LRRC4C: variants seen among roughly 807,000 people sequenced by gnomAD.
The protein encoded by LRRC4C is leucine-rich repeat-containing protein 4C.
A neutral mutation model predicts 33.6 loss-of-function variants in LRRC4C; 5 were observed. The observed-to-expected ratio is 0.15, with a 90% confidence interval of 0.08 to 0.31. LRRC4C has a LOEUF of 0.31. Ranked by LOEUF, LRRC4C falls within the 10% of genes least tolerant of loss-of-function variation. The probability of loss-of-function intolerance (pLI) is 1.00; values close to 1 mark genes in which losing one functional copy is unlikely to be tolerated. For missense variants in LRRC4C, 560 were observed against 796.7 expected (o/e 0.70, Z 3.58); for synonymous variants, 329 against 302.0 (o/e 1.09, Z -0.93).
chr11:41,210,201 C>T (rs1042881710), intron 1 of LRRC4C, among the ~76,000 whole-genome samples: 1 of 152,122 alleles, frequency 6.6e-6, no homozygotes, highest in African/African-American at 2.4e-5. Context: ...CCCATAGTAC[C>T]ATTATAACTG....
intron 1 of LRRC4C, among the ~76,000 whole-genome samples, chr11:41,047,603 A>C (rs1474871691): frequency 6.6e-6 from 1 of 152,162 alleles, no homozygotes; most frequent in Non-Finnish European, 1.5e-5. Context: ...AAATTTAAAA[A>C]AGATTACCTT....
chr11:40,614,183 T>C (rs1961523732), intron 3 of LRRC4C, among the ~76,000 whole-genome samples: 1 of 151,914 alleles, frequency 6.6e-6, no homozygotes, highest in Non-Finnish European at 1.5e-5. Flanking sequence ...AGATGGCATC[T>C]TCTTCCAGTA....
intron 1 of LRRC4C, among the ~76,000 whole-genome samples, chr11:41,434,340 T>C (rs1329739256): frequency 6.6e-6 from 1 of 152,188 alleles, no homozygotes; most frequent in African/African-American, 2.4e-5. Flanking sequence ...AGATAATTTT[T>C]TTTTTAAGAA....
intron 2 of LRRC4C, among the ~76,000 whole-genome samples, chr11:40,790,271 AGAT>A (rs1950572621): frequency 6.6e-6 from 1 of 152,196 alleles, no homozygotes. Context: ...TTGATGCAAA[AGAT>A]GATTTTATTT....
intron 3 of LRRC4C, among the ~76,000 whole-genome samples, chr11:40,549,082 A>C (rs1385281507): frequency 6.6e-6 from 1 of 152,196 alleles, no homozygotes; most frequent in East Asian, 1.9e-4. Context: ...ATCTATGGCT[A>C]AATGGCTAAA....
At chr11:41,283,728 C>G (rs753235220) in intron 1 of LRRC4C, among the ~76,000 whole-genome samples, 94 of 152,258 alleles carry the variant, frequency 6.2e-4, no homozygotes, top group Non-Finnish European at 1.1e-3. Flanking sequence ...CCATCTAGCC[C>G]TTTACGGAAG....
chr11:40,424,718 A>T (rs1398833531), intron 3 of LRRC4C, among the ~76,000 whole-genome samples: 1 of 152,200 alleles, frequency 6.6e-6, no homozygotes, highest in Non-Finnish European at 1.5e-5. Flanking sequence ...GAATAAATGC[A>T]GCCAAATGTA....
At chr11:40,197,580 A>T (rs372731652) in intron 5 of LRRC4C, among the ~76,000 whole-genome samples, 18 of 152,174 alleles carry the variant, frequency 1.2e-4, no homozygotes, top group Admixed American at 1.3e-4. Context: ...TTTGAGTCAC[A>T]CAAATTCATG....
chr11:41,159,067 T>G (rs1047785968), intron 1 of LRRC4C, among the ~76,000 whole-genome samples: 2 of 152,022 alleles, frequency 1.3e-5, no homozygotes, highest in African/African-American at 4.8e-5. Flanking sequence ...GAAATGTTGC[T>G]TGAGGTCAGG....
intron 3 of LRRC4C, among the ~76,000 whole-genome samples, chr11:40,499,685 G>A (rs1164728006): frequency 2.0e-5 from 3 of 152,122 alleles, no homozygotes; most frequent in Non-Finnish European, 4.4e-5. Flanking sequence ...TCTAAATTGG[G>A]TAACTCTTGG....
At chr11:41,147,812 T>C (rs1943795014) in intron 1 of LRRC4C, among the ~76,000 whole-genome samples, 1 of 151,808 alleles carries the variant, frequency 6.6e-6, no homozygotes, top group Non-Finnish European at 1.5e-5. Context: ...AGGTCAGGAG[T>C]GGTGGCTCGG....
chr11:40,309,455 A>G (rs1945195547), intron 4 of LRRC4C, among the ~76,000 whole-genome samples: 2 of 151,854 alleles, frequency 1.3e-5, no homozygotes, highest in Admixed American at 6.6e-5. Flanking sequence ...TTCAGTTATT[A>G]TTATTACAGG....
rs144383913 is a variant in LRRC4C at position 40,823,328 on chromosome 11, T to C, written c.-407+110307A>G. On this transcript the variant is annotated intron_variant, in intron 2 of 6. Transcript: ENST00000528697. ...CCCAATCAATGAGAGAAAAAAATAA[T>C]GTTTGATTTCATAAAAATTTGAAAA... is the stretch of plus-strand genomic sequence containing the variant. Among the ~76,000 whole-genome samples the C allele has an allele frequency of 4.2e-3, 637 of 151,798 alleles. 7 individuals carry two copies. Among genetic ancestry groups the C allele is most frequent in the African/African-American group, 0.015 (604 of 41,476 alleles).
chr11:40,996,057 A>C (rs1211140876), intron 1 of LRRC4C, among the ~76,000 whole-genome samples: 1 of 152,190 alleles, frequency 6.6e-6, no homozygotes, highest in Non-Finnish European at 1.5e-5. Context: ...AGATTTCCAC[A>C]ATAGGAATAA....
chr11:40,585,561 C>T (rs1359350341), intron 3 of LRRC4C, among the ~76,000 whole-genome samples: 1 of 147,468 alleles, frequency 6.8e-6, no homozygotes, highest in East Asian at 2.0e-4. Flanking sequence ...CATGCTGGTG[C>T]GCTGCACCCA....
At chr11:40,471,178 G>A (rs1952915910) in intron 3 of LRRC4C, among the ~76,000 whole-genome samples, 1 of 152,168 alleles carries the variant, frequency 6.6e-6, no homozygotes, top group Non-Finnish European at 1.5e-5. Flanking sequence ...CAAACTAACA[G>A]TGAATCTCTC....
At chr11:41,422,775 A>G (rs1954913816) in intron 1 of LRRC4C, among the ~76,000 whole-genome samples, 1 of 121,796 alleles carries the variant, frequency 8.2e-6, no homozygotes, top group East Asian at 2.7e-4. Context: ...CAGCTTTCTC[A>G]AGTAGATTTT....
chr11:40,364,946 T>C (rs1456816661), intron 3 of LRRC4C, among the ~76,000 whole-genome samples: 4 of 151,894 alleles, frequency 2.6e-5, no homozygotes, highest in African/African-American at 9.7e-5. Context: ...TAACCTAGAA[T>C]CCTATATTTA....
intron 2 of LRRC4C, among the ~76,000 whole-genome samples, chr11:40,691,651 G>A (rs1945226488): frequency 6.6e-6 from 1 of 152,056 alleles, no homozygotes; most frequent in African/African-American, 2.4e-5. Flanking sequence ...AAAGTGACTG[G>A]AATTGGTAAA....
Sources: gnomAD v4.1 joint callset for allele counts (sites outside exome capture counted in the v4.1 genomes callset) on GRCh38, gnomAD v4.1.1 for gene constraint, MANE v1.5 for transcripts, NCBI Gene and HGNC (gene_info 2026-07-23, HGNC 2026-07-21) for gene names.